The following SHISAL1 variants were observed in gnomAD, a reference collection of about 807,000 sequenced individuals.
SHISAL1 encodes the protein shisa like 1.
SHISAL1 carries 9 observed loss-of-function variants against 22.6 expected under a neutral mutation model. The observed-to-expected ratio is 0.40, with a 90% CI of 0.24 to 0.70. The LOEUF (loss-of-function observed/expected upper bound fraction) is 0.70. Among genes scored for constraint, SHISAL1 ranks in the 30% least tolerant of loss-of-function variants. SHISAL1 has a pLI of 0.39. For synonymous variants in SHISAL1, 119 were observed against 115.4 expected, an observed-to-expected ratio of 1.03 and a Z score of -0.20; for missense variants, 246 against 270.6, an observed-to-expected ratio of 0.91 and a Z score of 0.64.
At chr22:44,286,082 C>T (rs1242291765) in intron 3 of SHISAL1, among the ~76,000 whole-genome samples, 2 of 152,188 alleles carry the variant, frequency 1.3e-5, no homozygotes, top group East Asian at 3.9e-4. Context: ...ATGGCAGCCT[C>T]TTCCTTTACC....
intron 1 of SHISAL1, among the ~76,000 whole-genome samples, chr22:44,304,926 G>C (rs948068667): frequency 6.6e-6 from 1 of 152,132 alleles, no homozygotes; most frequent in Non-Finnish European, 1.5e-5. Flanking sequence ...TTTGTTGAGT[G>C]AATGAGGAGG....
intron 4 of SHISAL1, among the ~76,000 whole-genome samples, chr22:44,281,542 T>C (rs1378421696): frequency 6.6e-6 from 1 of 152,046 alleles, no homozygotes; most frequent in African/African-American, 2.4e-5. Flanking sequence ...TTAGAGAGGC[T>C]CTCTACGCCT....
At chr22:44,276,926 C>G (rs888837697) in intron 4 of SHISAL1, among the ~76,000 whole-genome samples, 1 of 152,158 alleles carries the variant, frequency 6.6e-6, no homozygotes, top group Admixed American at 6.5e-5. Flanking sequence ...AGAAGGGCAG[C>G]GATGAGGGGC....
chr22:44,308,496 A>G (rs1056546798), intron 1 of SHISAL1, among the ~76,000 whole-genome samples: 1 of 151,600 alleles, frequency 6.6e-6, no homozygotes, highest in African/African-American at 2.4e-5. Context: ...TGCTAGGACC[A>G]CCCTTCCCCT....
intron 4 of SHISAL1, among the ~76,000 whole-genome samples, chr22:44,275,840 A>G (rs2055236225): frequency 6.6e-6 from 1 of 152,202 alleles, no homozygotes; most frequent in Admixed American, 6.5e-5. Flanking sequence ...GCAAGTCCTC[A>G]ATAAATGGGA....
Position 44,296,866 on chromosome 22 carries a change from C to A in SHISAL1, c.87G>T (p.Arg29=). The A allele has an allele frequency of 6.2e-7, 1 of 1,612,500 alleles. No homozygotes were observed. The stretch of plus-strand genomic sequence containing the variant: ...TGTGGTCTGTGTATGGTTCACAGAC[C>A]CGGAAATGTGCAGACAAGACTGGAA... ...LFSAVLSAHF[R]VCEPYTDHKG... Residue 29 remains arginine, a synonymous_variant, in exon 3 of 5, where the codon CGG becomes CGT. Transcript: ENST00000381176.
intron 4 of SHISAL1, among the ~76,000 whole-genome samples, chr22:44,280,886 A>G (rs921602785): frequency 6.6e-6 from 1 of 152,144 alleles, no homozygotes; most frequent in Non-Finnish European, 1.5e-5. Flanking sequence ...ACTGGGAGCC[A>G]CTGCCTGTGC....
intron 4 of SHISAL1, among the ~76,000 whole-genome samples, chr22:44,269,241 CAATA>C (rs1213725131): frequency 3.3e-5 from 5 of 151,160 alleles, no homozygotes; most frequent in Admixed American, 2.0e-4. Flanking sequence ...CAGACCCTCA[CAATA>C]TATACACACA....
At chr22:44,261,905 G>A (rs1223959671) in intron 4 of SHISAL1, among the ~76,000 whole-genome samples, 1 of 152,204 alleles carries the variant, frequency 6.6e-6, no homozygotes. Context: ...GCCCACCAGT[G>A]CTCCCCTCAC....
At position 44,249,530 on chromosome 22, in the gene SHISAL1, C is replaced by T. The variant is rs115379067; in HGVS notation, c.*155G>A. The stretch of plus-strand genomic sequence containing the variant: ...GTTTGCTCCTAATCTTAGAAGTCCG[C>T]GGAAGGGGGCTTTGGGCACAGGCAG... On this transcript the variant is annotated 3_prime_UTR_variant, in exon 5 of 5. Coordinates refer to ENST00000381176, the MANE Select transcript of SHISAL1 (RefSeq NM_001099294.2). 2,101 of 631,484 alleles carry T rather than the reference C, an allele frequency of 3.3e-3. 29 individuals are homozygous for T. The African/African-American group carries it at 0.034, about 10-fold the overall frequency. The allele number at this position is 631,484 out of a possible 1,614,324, so 39.1% of individuals were successfully genotyped here. A position where few individuals can be genotyped will look rare whatever the true frequency, so the allele number is the denominator to read the frequency against.
intron 4 of SHISAL1, among the ~76,000 whole-genome samples, chr22:44,263,672 G>C (rs2055142096): frequency 6.6e-6 from 1 of 152,222 alleles, no homozygotes; most frequent in Admixed American, 6.5e-5. Flanking sequence ...ATGTGGCCAT[G>C]GGAGCAGAGG....
intron 4 of SHISAL1, among the ~76,000 whole-genome samples, chr22:44,255,621 C>T (rs187416348): frequency 4.6e-5 from 7 of 152,278 alleles, no homozygotes; most frequent in South Asian, 2.1e-4. Context: ...GTGGTGTCTG[C>T]GCTGGTCAGC....
intron 3 of SHISAL1, among the ~76,000 whole-genome samples, chr22:44,289,804 A>G (rs1373321812): frequency 6.6e-6 from 1 of 152,176 alleles, no homozygotes; most frequent in African/African-American, 2.4e-5. Context: ...AAAATATGTG[A>G]CCTGGAAATT....
intron 1 of SHISAL1, among the ~76,000 whole-genome samples, chr22:44,303,491 G>A (rs1024386986): frequency 6.6e-6 from 1 of 152,116 alleles, no homozygotes; most frequent in African/African-American, 2.4e-5. Context: ...AGAGGTTGGG[G>A]TGATGCACAT....
At chr22:44,305,702 G>A (rs2055465754) in intron 1 of SHISAL1, among the ~76,000 whole-genome samples, 1 of 152,224 alleles carries the variant, frequency 6.6e-6, no homozygotes, top group South Asian at 2.1e-4. Context: ...TGGTTGCGCT[G>A]GTCCCACGTC....
upstream of SHISAL1, among the ~76,000 whole-genome samples, chr22:44,315,994 G>A (rs2147316201): frequency 6.6e-6 from 1 of 152,318 alleles, no homozygotes; most frequent in Non-Finnish European, 1.5e-5. Context: ...ATATCGATGT[G>A]GAGCAGGGCA....
chr22:44,274,051 C>A (rs867707463), intron 4 of SHISAL1, among the ~76,000 whole-genome samples: 17 of 145,846 alleles, frequency 1.2e-4, no homozygotes, highest in Admixed American at 5.5e-4. Context: ...ACCTCCCGGC[C>A]CCCCCCTCCC....
chr22:44,290,351 G>T (rs1158969372), intron 3 of SHISAL1, among the ~76,000 whole-genome samples: 1 of 152,156 alleles, frequency 6.6e-6, no homozygotes, highest in Non-Finnish European at 1.5e-5. Flanking sequence ...CTAATACGGA[G>T]AAACCCCGTC....
At chr22:44,272,752 G>A (rs1243461619) in intron 4 of SHISAL1, among the ~76,000 whole-genome samples, 1 of 152,226 alleles carries the variant, frequency 6.6e-6, no homozygotes. Context: ...CCTTGTCCTG[G>A]CTACCATTGC....
Sources: gnomAD v4.1 joint callset for allele counts (sites outside exome capture counted in the v4.1 genomes callset) on GRCh38, gnomAD v4.1.1 for gene constraint, MANE v1.5 for transcripts, NCBI Gene and HGNC (gene_info 2026-07-23, HGNC 2026-07-21) for gene names.